MLIP: variants seen among roughly 807,000 people sequenced by gnomAD.
The protein encoded by MLIP is muscular LMNA interacting protein.
MLIP carries 79 observed loss-of-function variants against 84.8 expected under a neutral mutation model. The ratio of observed to expected loss-of-function variants is 0.93; its 90% CI spans 0.78 to 1.12. MLIP has a LOEUF of 1.12. Ranked by LOEUF, MLIP falls within the 50% of genes most tolerant of loss-of-function variation. MLIP has a pLI of 0.00. For synonymous variants in MLIP, 504 were observed against 463.0 expected, an observed-to-expected ratio of 1.09 and a Z score of -1.14; for missense variants, 1,257 against 1,160.6, an observed-to-expected ratio of 1.08 and a Z score of -1.21.
chr6:54,220,390 A>G (rs1424563628), intron 11 of MLIP, among the ~76,000 whole-genome samples: 1 of 152,218 alleles, frequency 6.6e-6, no homozygotes. Context: ...AAATGATAAA[A>G]TTCTCTTTTG....
At chr6:54,131,161 C>T (rs78002064) in intron 3 of MLIP, among the ~76,000 whole-genome samples, 3,037 of 152,232 alleles carry the variant, frequency 0.02, 102 homozygotes, top group African/African-American at 0.068. Context: ...ACAAATTTAC[C>T]TATTTCTCCT....
chr6:54,112,759 A>C (rs1240057102), intron 1 of MLIP, among the ~76,000 whole-genome samples: 1 of 152,206 alleles, frequency 6.6e-6, no homozygotes, highest in African/African-American at 2.4e-5. Flanking sequence ...AGAAAGAAAT[A>C]GGTTTTCTTC....
chr6:54,241,869 A>G (rs1781759466), intron 12 of MLIP, among the ~76,000 whole-genome samples: 1 of 152,154 alleles, frequency 6.6e-6, no homozygotes, highest in African/African-American at 2.4e-5. Context: ...TTTCAGTTCA[A>G]TTATTTGCGT....
intron 11 of MLIP, among the ~76,000 whole-genome samples, chr6:54,228,312 CA>C (rs1780746615): frequency 6.6e-6 from 1 of 150,412 alleles, no homozygotes; most frequent in Non-Finnish European, 1.5e-5. Context: ...ATAATGTATA[CA>C]AACATAGAAG....
At chr6:54,028,367 A>G (rs758258695) in intron 1 of MLIP, among the ~76,000 whole-genome samples, 4 of 152,254 alleles carry the variant, frequency 2.6e-5, no homozygotes, top group Non-Finnish European at 5.9e-5. Context: ...GTGATTTTAA[A>G]TACCAACTTG....
chr6:54,208,847 C>T (rs909367159), intron 11 of MLIP, among the ~76,000 whole-genome samples: 1 of 152,014 alleles, frequency 6.6e-6, no homozygotes, highest in Non-Finnish European at 1.5e-5. Flanking sequence ...AAATACACTG[C>T]CTCCCTCCCT....
intron 11 of MLIP, among the ~76,000 whole-genome samples, chr6:54,214,523 A>G (rs572589621): frequency 6.6e-6 from 1 of 152,020 alleles, no homozygotes; most frequent in Non-Finnish European, 1.5e-5. Flanking sequence ...TGTTCCCTCC[A>G]TCCTGCTCTC....
chr6:54,070,104 T>G (rs1463266494), intron 1 of MLIP, among the ~76,000 whole-genome samples: 1 of 152,166 alleles, frequency 6.6e-6, no homozygotes, highest in African/African-American at 2.4e-5. Context: ...GCACAACAAA[T>G]AATTGTTTGC....
chr6:54,099,014 A>T (rs1768436613), intron 1 of MLIP, among the ~76,000 whole-genome samples: 1 of 152,166 alleles, frequency 6.6e-6, no homozygotes, highest in Non-Finnish European at 1.5e-5. Context: ...AGATTTCTTT[A>T]AAAAGTAATG....
At chr6:54,076,795 G>A (rs1444000812) in intron 1 of MLIP, among the ~76,000 whole-genome samples, 1 of 152,092 alleles carries the variant, frequency 6.6e-6, no homozygotes, top group African/African-American at 2.4e-5. Flanking sequence ...GGGACGGGTT[G>A]GTATTGTTTC....
intron 12 of MLIP, among the ~76,000 whole-genome samples, chr6:54,232,351 C>T (rs1405126067): frequency 6.6e-6 from 1 of 152,098 alleles, no homozygotes; most frequent in Non-Finnish European, 1.5e-5. Flanking sequence ...CAAGGATAGA[C>T]TATATTTCAT....
At chr6:54,099,430 T>A (rs986910737) in intron 1 of MLIP, 1 of 152,170 alleles carries the variant, frequency 6.6e-6, no homozygotes, top group African/African-American at 2.4e-5. Flanking sequence ...CAATTGAATG[T>A]CATTAGAATA....
At chr6:54,210,337 C>G (rs1209681566) in intron 11 of MLIP, among the ~76,000 whole-genome samples, 2 of 151,726 alleles carry the variant, frequency 1.3e-5, no homozygotes, top group African/African-American at 2.4e-5. Context: ...TGGCATGAAC[C>G]ATGTAACTTG....
rs553398231 is a variant in MLIP at position 54,163,266 on chromosome 6, C to G, written c.2499+2467C>G. Among the ~76,000 whole-genome samples, 14 of 150,800 alleles carry G rather than the reference C, an allele frequency of 9.3e-5. No homozygotes were observed. The South Asian group carries it at 2.7e-3, about 29-fold the overall frequency. Reference sequence around the variant, plus strand: ...ACTGCTACTTTCCTTTTTTTCATACCCTTTTGTCTAATTTTCTCAGAGCAG... The same window carrying G: ...ACTGCTACTTTCCTTTTTTTCATACGCTTTTGTCTAATTTTCTCAGAGCAG... On this transcript the variant is annotated intron_variant, in intron 8 of 13. Coordinates refer to ENST00000502396, the MANE Select transcript of MLIP (RefSeq NM_001281747.2).
chr6:54,019,218 A>G (rs1763365250), intron 1 of MLIP: 1 of 873,376 alleles, frequency 1.1e-6, no homozygotes, highest in East Asian at 2.6e-5. Flanking sequence ...CAATAACTTT[A>G]AAATTAATGA....
intron 11 of MLIP, among the ~76,000 whole-genome samples, chr6:54,229,631 T>C (rs1292294581): frequency 6.6e-6 from 1 of 152,238 alleles, no homozygotes; most frequent in Non-Finnish European, 1.5e-5. Flanking sequence ...TTGGTTTTAC[T>C]GTTCCTGCAT....
intron 1 of MLIP, among the ~76,000 whole-genome samples, chr6:54,025,795 A>G (rs968049830): frequency 6.6e-6 from 1 of 152,146 alleles, no homozygotes; most frequent in Non-Finnish European, 1.5e-5. Context: ...GTCATGGGCC[A>G]TGGTAGGCAC....
chr6:54,232,532 A>G (rs1483360092), intron 12 of MLIP, among the ~76,000 whole-genome samples: 2 of 152,200 alleles, frequency 1.3e-5, no homozygotes, highest in Non-Finnish European at 2.9e-5. Context: ...AGTAATAATA[A>G]TAAGATAGTA....
At chr6:54,166,743 A>G (rs1302856113) in intron 8 of MLIP, among the ~76,000 whole-genome samples, 1 of 151,930 alleles carries the variant, frequency 6.6e-6, no homozygotes, top group Non-Finnish European at 1.5e-5. Context: ...AACTAACTAC[A>G]TATATGCCGA....
Sources: allele counts gnomAD v4.1 joint callset (sites outside exome capture counted in the v4.1 genomes callset), GRCh38; gene constraint gnomAD v4.1.1; transcripts MANE v1.5; gene names NCBI Gene and HGNC (gene_info 2026-07-23, HGNC 2026-07-21).